SLC19A1: variants seen among roughly 807,000 people sequenced by gnomAD.
The protein encoded by SLC19A1 is reduced folate transporter.
SLC19A1 carries 37 observed loss-of-function variants against 35.3 expected under a neutral mutation model. That is an observed-to-expected ratio of 1.05 (90% CI 0.81 to 1.38). The LOEUF (loss-of-function observed/expected upper bound fraction) is 1.38. Among genes scored for constraint, SLC19A1 ranks in the 40% most tolerant of loss-of-function variants. The pLI is 0.00. For synonymous variants in SLC19A1, 460 were observed against 398.5 expected (o/e 1.15, Z -1.84); for missense variants, 831 against 826.9 (o/e 1.00, Z -0.06).
Position 45,533,439 on chromosome 21 carries a change from A to C in SLC19A1, c.190-1291T>G, listed in dbSNP as rs1039286540. ...CTGGGCACACCTGGGCACAGTCCAG[A>C]GGAAGAGGCCCCACCCCTGTGAGGC... On this transcript the variant is annotated intron_variant, in intron 2 of 5. Coordinates refer to ENST00000311124, the MANE Select transcript of SLC19A1 (RefSeq NM_194255.4). The surrounding 1 kb of genome is among the most constrained non-coding windows in gnomAD (Gnocchi z 4.5). Among the ~76,000 whole-genome samples, 2 of 152,298 alleles carry C rather than the reference A, an allele frequency of 1.3e-5. No individual in the cohort carries two copies. Among genetic ancestry groups the C allele is most frequent in the African/African-American group, 4.8e-5 (2 of 41,574 alleles).
chr21:45,551,529 C>T (rs543834281), intron 1 of SLC19A1, among the ~76,000 whole-genome samples: 3 of 152,294 alleles, frequency 2.0e-5, no homozygotes, highest in African/African-American at 4.8e-5. Flanking sequence ...TGCTTGATTT[C>T]CTCTTGGACT....
intron 1 of SLC19A1, among the ~76,000 whole-genome samples, chr21:45,555,547 G>A (rs1465417815): frequency 2.7e-5 from 4 of 149,956 alleles, no homozygotes; most frequent in Non-Finnish European, 4.5e-5. Context: ...GGCGGCGGGG[G>A]CGGCGGCGAA....
chr21:45,507,748 C>T (rs920934892), downstream of SLC19A1, among the ~76,000 whole-genome samples: 5 of 152,184 alleles, frequency 3.3e-5, no homozygotes, highest in South Asian at 2.1e-4. Flanking sequence ...TGGTGCAGGA[C>T]ACCCCACTAC....
At chr21:45,503,832 C>T (rs2037017349) in intron 3 of SLC19A1, 2 of 438,730 alleles carry the variant, frequency 4.6e-6, no homozygotes, top group South Asian at 5.8e-5. Flanking sequence ...AAAAAGGCAC[C>T]ATTAACAAAA....
At chr21:45,531,355 C>T (rs369669450) in intron 3 of SLC19A1, 34 bp downstream of exon 3, 151 of 1,539,878 alleles carry the variant, frequency 9.8e-5, no homozygotes, top group Non-Finnish European at 1.2e-4. Context: ...GAAGCCTCTG[C>T]GGGAAGAAGC....
chr21:45,511,430 G>A (rs534373152), downstream of SLC19A1, among the ~76,000 whole-genome samples: 75 of 152,322 alleles, frequency 4.9e-4, no homozygotes, highest in African/African-American at 1.7e-3. Context: ...TTGAGAGCCA[G>A]GTAGTTGTAA....
At chr21:45,557,022 C>T (rs971238189) in intron 1 of SLC19A1, among the ~76,000 whole-genome samples, 1 of 152,178 alleles carries the variant, frequency 6.6e-6, no homozygotes, top group African/African-American at 2.4e-5. Context: ...GGCCTCTGGA[C>T]ACCATGTAAC....
chr21:45,555,160 C>CA lies in SLC19A1; in HGVS notation c.-50+7581_-50+7582insT, dbSNP rs1555888676. 7.9e-3 allele frequency among the ~76,000 whole-genome samples: 329 copies of CA among 41,792 alleles called. 13 individuals are homozygous for CA. The highest frequency in any genetic ancestry group is 0.019 in the Middle Eastern group (2 of 106). 27.4% of individuals were successfully genotyped at this position (41,792 alleles called of 152,430 possible). On this transcript the variant is annotated intron_variant, in intron 1 of 5. Coordinates refer to the SLC19A1 transcript ENST00000650808. ...ACGCAGGGGGCGGTGCAGGGGGCGGCGGGGGCGGCGCAGGGGGCGGTGCAG... is the reference window on the plus strand; with the variant it reads ...ACGCAGGGGGCGGTGCAGGGGGCGGCAGGGGGCGGCGCAGGGGGCGGTGCAG...
At chr21:45,541,716 T>A (rs1288141454) in intron 1 of SLC19A1, 2 of 152,278 alleles carry the variant, frequency 1.3e-5, no homozygotes, top group Admixed American at 1.3e-4. Flanking sequence ...ACAAAGCTTC[T>A]GGCACAGGAG....
At position 45,531,476 on chromosome 21, in the gene SLC19A1, C is replaced by T. The variant is rs199683090; in HGVS notation, c.862G>A (p.Val288Met). ...SAGYYLVVYY[V>M]HILWNEVDPT... ...TCCACCTCGTTCCACAGGATGTGCA[C>T]GTAGTAGACCACCAGGTAGTAGCCG... The change falls in exon 3 of 6, where the codon GTG (valine) becomes ATG (methionine). Residue 288 changes from valine to methionine, a missense_variant. Physicochemically the swap from Val to Met is conservative, Grantham distance 21. Transcript: ENST00000311124. 4 of 1,612,722 alleles carry T rather than the reference C, an allele frequency of 2.5e-6. No homozygotes were observed. Among genetic ancestry groups the T allele is most frequent in the Non-Finnish European group, 3.4e-6 (4 of 1,179,746 alleles).
At chr21:45,512,109 AC>A, downstream of SLC19A1, 1 of 1,498,926 alleles carries the variant, frequency 6.7e-7, no homozygotes. Flanking sequence ...TCCTGCCTCC[AC>A]CTTTCCTGCC....
intron 3 of SLC19A1, among the ~76,000 whole-genome samples, chr21:45,503,411 T>G (rs990414422): frequency 1.2e-4 from 18 of 152,104 alleles, no homozygotes; most frequent in African/African-American, 4.3e-4. Context: ...CACTTTTTGA[T>G]GGGGTTGTTT....
In SLC19A1 at chr21:45,514,108, C is replaced by T; in HGVS notation, c.*1550G>A. ...TGCAGTGAGCAGGCTGCGGAGGGAG[C>T]AGGCCCTCAGGTTGGGGAGGCGCTG... On this transcript the variant is annotated 3_prime_UTR_variant, in exon 6 of 6. Transcript: ENST00000311124. 1 of 152,866 alleles carries T rather than the reference C, an allele frequency of 6.5e-6. No individual in the cohort carries two copies. Among genetic ancestry groups the T allele is most frequent in the Non-Finnish European group, 1.5e-5 (1 of 68,448 alleles). The allele number at this position is 152,866 out of a possible 1,614,324, so 9.5% of individuals were successfully genotyped here. A position where few individuals can be genotyped will look rare whatever the true frequency, so the allele number is the denominator to read the frequency against.
downstream of SLC19A1, chr21:45,509,577 C>T (rs913776302): frequency 5.9e-6 from 9 of 1,525,640 alleles, 1 homozygote; most frequent in East Asian, 2.4e-5. Context: ...CACCCGCCCA[C>T]AGCCACCGCG....
At chr21:45,504,278 C>G in intron 3 of SLC19A1, 3 of 943,920 alleles carry the variant, frequency 3.2e-6, no homozygotes, top group South Asian at 1.6e-5. Context: ...GAGTCGAGCC[C>G]TATTCTATGC....
At chr21:45,557,469 A>C (rs2078574530) in intron 1 of SLC19A1, among the ~76,000 whole-genome samples, 1 of 152,068 alleles carries the variant, frequency 6.6e-6, no homozygotes, top group East Asian at 1.9e-4. Flanking sequence ...AGTCTCTGTC[A>C]CAGAGACGGT....
chr21:45,545,998 CA>C (rs1346110448), upstream of SLC19A1, among the ~76,000 whole-genome samples: 1 of 152,236 alleles, frequency 6.6e-6, no homozygotes, highest in Non-Finnish European at 1.5e-5. Flanking sequence ...CCACTTTTTC[CA>C]CGAGCTGACC....
intron 3 of SLC19A1, 125 bp from the exon 4 acceptor site, chr21:45,531,096 G>A (rs1349424331): frequency 1.5e-6 from 1 of 648,638 alleles, no homozygotes; most frequent in African/African-American, 2.0e-5. Context: ...CTCCGGGGAA[G>A]GATCCACGGG....
chr21:45,527,685 C>A (rs1454059526), intron 4 of SLC19A1, among the ~76,000 whole-genome samples: 1 of 67,046 alleles, frequency 1.5e-5, no homozygotes, highest in East Asian at 3.9e-4. Flanking sequence ...GAGTGGCAGC[C>A]AGGCAGGGCG....
Sources: allele counts gnomAD v4.1 joint callset (sites outside exome capture counted in the v4.1 genomes callset), GRCh38; gene constraint gnomAD v4.1.1; non-coding constraint Gnocchi (gnomAD v3.1); transcripts MANE v1.5; gene names NCBI Gene and HGNC (gene_info 2026-07-23, HGNC 2026-07-21).